INVS: variants seen among roughly 807,000 people sequenced by gnomAD.
INVS encodes inversin.
INVS carries 86 observed loss-of-function variants against 108.8 expected under a neutral mutation model. The ratio of observed to expected loss-of-function variants is 0.79; its 90% CI spans 0.66 to 0.95. The LOEUF (loss-of-function observed/expected upper bound fraction) is 0.95, where lower values mean the gene tolerates loss of function less well. INVS is among the 40% of genes least tolerant of loss of function. INVS has a pLI of 0.00. For missense variants in INVS, 1,169 were observed against 1,297.4 expected (o/e 0.90, Z 1.52); for synonymous variants, 455 against 473.5 (o/e 0.96, Z 0.51).
At chr9:100,253,731 A>G (rs571791641) in intron 10 of INVS, among the ~76,000 whole-genome samples, 438 of 152,318 alleles carry the variant, frequency 2.9e-3, no homozygotes, top group Non-Finnish European at 5.2e-3. Flanking sequence ...ATGTCCCTAC[A>G]AAGGACATGA....
chr9:100,289,026 G>A (rs535513380), intron 13 of INVS, among the ~76,000 whole-genome samples: 1 of 152,120 alleles, frequency 6.6e-6, no homozygotes, highest in African/African-American at 2.4e-5. Context: ...CACATCCCGG[G>A]ATCTTTACAT....
chr9:100,121,577 G>A (rs1827727694), intron 2 of INVS, among the ~76,000 whole-genome samples: 1 of 152,080 alleles, frequency 6.6e-6, no homozygotes, highest in Admixed American at 6.6e-5. Flanking sequence ...TCTTGATACT[G>A]GGAATTTGTG....
chr9:100,104,404 G>A, intron 1 of INVS, 94 bp from the exon 2 acceptor site: 1 of 727,750 alleles, frequency 1.4e-6, no homozygotes. Flanking sequence ...AGTATTTCTA[G>A]TAAGCCATAT....
At chr9:100,185,516 A>AT (rs1224840527) in intron 3 of INVS, among the ~76,000 whole-genome samples, 8 of 110,858 alleles carry the variant, frequency 7.2e-5, no homozygotes, top group Non-Finnish European at 1.2e-4. Context: ...TATGCATAGA[A>AT]ATATATATAT....
chr9:100,175,078 C>T (rs1045374555), intron 3 of INVS: 7 of 229,450 alleles, frequency 3.1e-5, no homozygotes, highest in Non-Finnish European at 6.1e-5. Flanking sequence ...ACTTCTGGAG[C>T]TCATATTCCT....
chr9:100,229,521 C>A, intron 4 of INVS, 139 bp from the exon 5 acceptor site: 4 of 729,772 alleles, frequency 5.5e-6, no homozygotes. Flanking sequence ...AACACAGAGA[C>A]CTGAAATCAT....
chr9:100,282,303 T>C (rs1423830009), intron 12 of INVS, among the ~76,000 whole-genome samples: 3 of 152,038 alleles, frequency 2.0e-5, no homozygotes, highest in African/African-American at 7.2e-5. Context: ...GGCTGGCCTG[T>C]AGACCACAGT....
chr9:100,129,716 C>CA, intron 3 of INVS: 1 of 711,128 alleles, frequency 1.4e-6, no homozygotes, highest in Non-Finnish European at 2.6e-6. Flanking sequence ...TAAGAGACTA[C>CA]AATCATTCAA....
At chr9:100,297,414 G>C (rs1218325512) in intron 15 of INVS, among the ~76,000 whole-genome samples, 2 of 152,134 alleles carry the variant, frequency 1.3e-5, no homozygotes, top group Non-Finnish European at 2.9e-5. Context: ...TCAGCCCAGA[G>C]TGCCCTCAAG....
At chr9:100,291,088 C>T (rs1002117315) in intron 13 of INVS, among the ~76,000 whole-genome samples, 6 of 150,622 alleles carry the variant, frequency 4.0e-5, no homozygotes, top group Admixed American at 6.6e-5. Flanking sequence ...TTTTTTCAGA[C>T]GGAGTCTCGC....
At position 100,104,613 on chromosome 9, in the gene INVS, A is replaced by G. The variant is rs1003287751; in HGVS notation, c.92A>G (p.Gln31Arg). The G allele has an allele frequency of 6.2e-7, 1 of 1,613,100 alleles. No homozygotes were observed. Among genetic ancestry groups the G allele is most frequent in the African/African-American group, 1.3e-5 (1 of 75,038 alleles). The change falls in exon 2 of 17, where the codon CAG becomes CGG. Residue 31 changes from glutamine to arginine, a missense_variant. Gln to Arg is a conservative substitution (Grantham distance 43). Around this residue, in one of 3 missense-constraint regions of INVS, gnomAD observed 365 missense variants for 397.5 expected, o/e 0.92. Transcript: ENST00000262457. ...AAVNGDKGAL[Q>R]RLIVGNSALK... ...GTTAATGGAGATAAGGGTGCTCTACAGAGGCTCATCGTAGGTAAGCAGTCC... is the reference window on the plus strand; with the variant it reads ...GTTAATGGAGATAAGGGTGCTCTACGGAGGCTCATCGTAGGTAAGCAGTCC...
intron 10 of INVS, among the ~76,000 whole-genome samples, chr9:100,257,469 T>G (rs1832458687): frequency 6.6e-6 from 1 of 152,240 alleles, no homozygotes; most frequent in African/African-American, 2.4e-5. Context: ...GCTGGTTATT[T>G]TGCTCTTTAG....
chr9:100,169,817 T>C (rs773547566), intron 3 of INVS, among the ~76,000 whole-genome samples: 1 of 152,178 alleles, frequency 6.6e-6, no homozygotes, highest in African/African-American at 2.4e-5. Context: ...CCCTTTTCTA[T>C]AGTCATTCAA....
chr9:100,120,279 T>C (rs1468277455), intron 2 of INVS, among the ~76,000 whole-genome samples: 2 of 152,180 alleles, frequency 1.3e-5, no homozygotes, highest in African/African-American at 4.8e-5. Flanking sequence ...AAATTACTGC[T>C]ATCAAGGTAA....
intron 1 of INVS, chr9:100,101,977 A>C (rs1227997953): frequency 6.6e-6 from 1 of 152,174 alleles, no homozygotes; most frequent in East Asian, 1.9e-4. Context: ...GCAACTATTC[A>C]TCTTTCCTTC....
At chr9:100,233,279 G>A (rs764641780) in intron 5 of INVS, among the ~76,000 whole-genome samples, 14 of 152,132 alleles carry the variant, frequency 9.2e-5, no homozygotes, top group Non-Finnish European at 1.6e-4. Flanking sequence ...GGGCTGAGAC[G>A]ATGGGGTTAT....
In INVS at chr9:100,284,566, C is replaced by A; in HGVS notation, c.2031C>A (p.Ser677=). 1 of 1,613,774 alleles carries A rather than the reference C, an allele frequency of 6.2e-7. No homozygotes were observed. The highest frequency in any genetic ancestry group is 1.7e-4 in the Middle Eastern group (1 of 6,048). The change falls in exon 13 of 17, where the codon TCC becomes TCA. Residue 677 remains serine, a synonymous_variant. Coordinates refer to ENST00000262457, the MANE Select transcript of INVS (RefSeq NM_014425.5). ...GGALQKEQHV[S]SDLQGTNSRR... Reference sequence around the variant, plus strand: ...CCCTCCAGAAGGAGCAGCATGTTTCCTCAGATTTGCAGGGAACAAACTCCA... The same window carrying A: ...CCCTCCAGAAGGAGCAGCATGTTTCATCAGATTTGCAGGGAACAAACTCCA...
Position 100,292,905 on chromosome 9 carries a change from C to G in INVS, c.2648C>G (p.Pro883Arg). The change falls in exon 14 of 17, where the codon CCC (proline) becomes CGC (arginine). Residue 883 changes from proline to arginine, a missense_variant. Pro to Arg is a moderately radical substitution (Grantham distance 103, BLOSUM62 -2). Transcript: ENST00000262457. ...AAGGAGACTGATCCAGCACCTGGTC[C>G]CCTCTCTGGGCAGAGTGTGAATATT... ...VSKETDPAPG[P>R]LSGQSVNIDL... 2 of 1,614,090 alleles carry G rather than the reference C, an allele frequency of 1.2e-6. No homozygotes were observed. Among genetic ancestry groups the G allele is most frequent in the East Asian group, 4.5e-5 (2 of 44,872 alleles).
chr9:100,293,179 T>A, intron 14 of INVS, 136 bp downstream of exon 14: 1 of 756,216 alleles, frequency 1.3e-6, no homozygotes, highest in Non-Finnish European at 2.3e-6. Flanking sequence ...AGCCTACCCA[T>A]GAAATTCACA....
Sources: allele counts gnomAD v4.1 joint callset (sites outside exome capture counted in the v4.1 genomes callset), GRCh38; gene constraint gnomAD v4.1.1; regional missense constraint gnomAD v4.1.1; transcripts MANE v1.5; gene names NCBI Gene and HGNC (gene_info 2026-07-23, HGNC 2026-07-21).